The following BMS1 variants were observed in gnomAD, a reference collection of about 807,000 sequenced individuals.
BMS1 encodes ribosome biogenesis protein BMS1 homolog.
BMS1 carries 53 observed loss-of-function variants against 138.7 expected under a neutral mutation model. That is an observed-to-expected ratio of 0.38 (90% CI 0.31 to 0.48). BMS1 has a LOEUF of 0.48. Ranked by LOEUF, BMS1 falls within the 20% of genes least tolerant of loss-of-function variation. The probability of loss-of-function intolerance (pLI) is 0.97; values close to 1 mark genes in which losing one functional copy is unlikely to be tolerated. For missense variants in BMS1, 1,360 were observed against 1,565.5 expected (o/e 0.87, Z 2.22); for synonymous variants, 504 against 539.9 (o/e 0.93, Z 0.92).
At chr10:42,824,902 A>G (rs926711348) in intron 21 of BMS1, among the ~76,000 whole-genome samples, 1 of 152,214 alleles carries the variant, frequency 6.6e-6, no homozygotes, top group Non-Finnish European at 1.5e-5. Context: ...TTTGTAATAC[A>G]ATTTTAAATC....
rs759093057 is a variant in BMS1, at chr10:42,830,360, G to A, written c.3556G>A (p.Ala1186Thr). The A allele has an allele frequency of 1.9e-6, 3 of 1,613,942 alleles. No homozygotes were observed. Among genetic ancestry groups the A allele is most frequent in the Non-Finnish European group, 1.7e-6 (2 of 1,180,010 alleles). ...GAACAAGCCCAAGACCCAAGCAAAG[G>A]CAGGCAAGGTGCCAAAGGACAGGCG... ...FKNKPKTQAK[A>T]GKVPKDRRRP... The change falls in exon 22 of 23, where the codon GCA (alanine) becomes ACA (threonine). Residue 1186 changes from alanine to threonine, a missense_variant. Ala to Thr is a moderately conservative substitution (Grantham distance 58). Around this residue, in one of 3 missense-constraint regions of BMS1, gnomAD observed 425 missense variants for 568.3 expected, o/e 0.75. Coordinates refer to ENST00000374518, the MANE Select transcript of BMS1 (RefSeq NM_014753.4).
chr10:42,823,846 A>C, intron 21 of BMS1, 62 bp downstream of exon 21: 1 of 1,305,444 alleles, frequency 7.7e-7, no homozygotes, highest in East Asian at 2.7e-5. Context: ...GGAGTCACAC[A>C]GACACTTTTC....
intron 9 of BMS1, among the ~76,000 whole-genome samples, chr10:42,794,782 C>CT (rs1237555411): frequency 8.2e-5 from 12 of 146,624 alleles, no homozygotes; most frequent in Admixed American, 2.7e-4. Context: ...TTTTATTATA[C>CT]TTTAAGTTTT....
In BMS1 at chr10:42,829,317, A is replaced by C. The variant is rs1588764375; in HGVS notation, c.3457-944A>C. Reference sequence around the variant, plus strand: ...CAGAGCGAGACTCCATCTCAAAAAAAAAAGAATTTGGGTCATCTCAATTAA... The same window carrying C: ...CAGAGCGAGACTCCATCTCAAAAAACAAAGAATTTGGGTCATCTCAATTAA... On this transcript the variant is annotated intron_variant, in intron 21 of 22. Transcript: ENST00000374518. 5.9e-5 allele frequency among the ~76,000 whole-genome samples: 9 copies of C among 152,218 alleles called. No individual in the cohort carries two copies. In the South Asian group the frequency reaches 1.9e-3, roughly 32 times the overall value.
At position 42,830,918 on chromosome 10, in the gene BMS1, A is replaced by C. The variant is rs1187691832; in HGVS notation, c.3671A>C (p.Lys1224Thr). 28 of 1,612,308 alleles carry C rather than the reference A, an allele frequency of 1.7e-5. No homozygotes were observed. The East Asian group carries it at 6.2e-4, about 36-fold the overall frequency. ...ACGGTGCATAGTCAGAAGATGAAGA[A>C]GGCCAAGGAGCAGCGGCACCTGCAC... Reference protein sequence around the residue: ...LSTVHSQKMKKAKEQRHLHNK... With the variant: ...LSTVHSQKMKTAKEQRHLHNK... The change falls in exon 23 of 23, where the codon AAG (lysine) becomes ACG (threonine). Residue 1224 changes from lysine to threonine, a missense_variant. This residue lies in a region of BMS1 where 425 missense variants were observed against 568.3 expected (regional missense o/e 0.75). Coordinates refer to ENST00000374518, the MANE Select transcript of BMS1 (RefSeq NM_014753.4).
At chr10:42,797,862 A>G (rs1841738556) in intron 11 of BMS1, among the ~76,000 whole-genome samples, 1 of 152,236 alleles carries the variant, frequency 6.6e-6, no homozygotes, top group Admixed American at 6.5e-5. Context: ...TCTGAGAATG[A>G]GAACCCTGTA....
In BMS1 at chr10:42,822,051, G is replaced by C. The variant is rs111556852; in HGVS notation, c.3010-11G>C. On this transcript the variant is annotated splice_polypyrimidine_tract_variant and intron_variant, in intron 18 of 22. Coordinates refer to ENST00000374518, the MANE Select transcript of BMS1 (RefSeq NM_014753.4). ...ATTATTCCTATTTTCAAATTTTGGG[G>C]TTCCTGTTAGCCTGATTTTCGGATA... 157 of 1,592,438 alleles carry C rather than the reference G, an allele frequency of 9.9e-5. No homozygotes were observed. The highest frequency in any genetic ancestry group is 9.8e-4 in the South Asian group (89 of 90,864).
At chr10:42,799,275 A>G (rs1019342226) in intron 12 of BMS1, among the ~76,000 whole-genome samples, 3 of 152,078 alleles carry the variant, frequency 2.0e-5, no homozygotes, top group African/African-American at 7.2e-5. Flanking sequence ...AGGCCTGGCT[A>G]ATTTTTGCAT....
At position 42,823,635 on chromosome 10, in the gene BMS1, C is replaced by T. The variant is rs200142753; in HGVS notation, c.3307C>T (p.Pro1103Ser). ...TATTGTCTTCATGCGAACTTGGTAT[C>T]CTGTTTCCATCCCAGCGTTCTATAA... ...SDIVFMRTWY[P>S]VSIPAFYNPV... Residue 1103 changes from proline to serine, a missense_variant, in exon 21 of 23, where the codon CCT becomes TCT. By Grantham distance (74) the Pro-to-Ser change is moderately conservative. This residue lies in a region of BMS1 where 425 missense variants were observed against 568.3 expected (regional missense o/e 0.75). Coordinates refer to ENST00000374518, the MANE Select transcript of BMS1 (RefSeq NM_014753.4). The T allele has an allele frequency of 2.0e-5, 31 of 1,579,678 alleles. No individual in the cohort carries two copies. The highest frequency in any genetic ancestry group is 2.6e-6 in the Non-Finnish European group (3 of 1,173,392).
intron 13 of BMS1, among the ~76,000 whole-genome samples, chr10:42,804,755 TTGC>T (rs1317949891): frequency 6.6e-6 from 1 of 152,004 alleles, no homozygotes; most frequent in Non-Finnish European, 1.5e-5. Context: ...GGATGGAGTC[TTGC>T]TCTGTCTCCC....
chr10:42,810,282 C>T (rs1842134267), intron 13 of BMS1, among the ~76,000 whole-genome samples: 1 of 152,162 alleles, frequency 6.6e-6, no homozygotes, highest in African/African-American at 2.4e-5. Context: ...GCATATCCCA[C>T]ATACATGCAT....
chr10:42,791,699 C>T lies in BMS1; in HGVS notation c.709C>T (p.Arg237Cys), dbSNP rs370353589. Residue 237 changes from arginine (R) to cysteine (C), a missense_variant, in exon 6 of 23, where the codon CGT becomes TGT. Around this residue, in one of 3 missense-constraint regions of BMS1, gnomAD observed 238 missense variants for 311.1 expected, o/e 0.77. Coordinates refer to ENST00000374518, the MANE Select transcript of BMS1 (RefSeq NM_014753.4). ...YQNQEIHNLG[R>C]FITVMKFRPL... ...AAACCAAGAAATCCACAATCTGGGC[C>T]GTTTTATTACAGTTATGAAGTTTAG... is the stretch of plus-strand genomic sequence containing the variant. 1.9e-5 allele frequency: 31 copies of T among 1,613,488 alleles called. No homozygotes were observed. Among genetic ancestry groups the T allele is most frequent in the Middle Eastern group, 1.6e-4 (1 of 6,078 alleles).
rs1842818332 is a variant in BMS1, at chr10:42,832,497, A to G, written c.*1401A>G. ...TGTGTGTCATCTGTGCATGGGGCCC[A>G]TGCTGACCTCTGTGTTGTGCCAGTT... On this transcript the variant is annotated 3_prime_UTR_variant, in exon 23 of 23. Transcript: ENST00000374518. 1 of 152,154 alleles carries G rather than the reference A, an allele frequency of 6.6e-6. No homozygotes were observed. Among genetic ancestry groups the G allele is most frequent in the Non-Finnish European group, 1.5e-5 (1 of 68,046 alleles). The allele number at this position is 152,154 out of a possible 1,614,324, so 9.4% of individuals were successfully genotyped here. A position where few individuals can be genotyped will look rare whatever the true frequency, so the allele number is the denominator to read the frequency against.
chr10:42,796,484 C>T lies in BMS1; in HGVS notation c.1240C>T (p.Pro414Ser), dbSNP rs1399531036. Residue 414 changes from proline to serine, a missense_variant, in exon 10 of 23, where the codon CCA becomes TCA. Coordinates refer to ENST00000374518, the MANE Select transcript of BMS1 (RefSeq NM_014753.4). Reference sequence around the variant, plus strand: ...TCCTTGGTAATACAGGCTAATGATGCCAAAGGAGGAAAAACAAATGGACTT... The same window carrying T: ...TCCTTGGTAATACAGGCTAATGATGTCAAAGGAGGAAAAACAAATGGACTT... Reference protein sequence around the residue: ...EDIDNQGLMMPKEEKQMDLNT... With the variant: ...EDIDNQGLMMSKEEKQMDLNT... The T allele has an allele frequency of 6.2e-7, 1 of 1,611,822 alleles. No homozygotes were observed. The highest frequency in any genetic ancestry group is 8.5e-7 in the Non-Finnish European group (1 of 1,178,276).
chr10:42,784,964 T>C (rs1841280153), intron 2 of BMS1, among the ~76,000 whole-genome samples: 1 of 152,210 alleles, frequency 6.6e-6, no homozygotes, highest in African/African-American at 2.4e-5. Context: ...GCAGTGTACT[T>C]TAAACATTAT....
chr10:42,816,011 G>A (rs994850584), intron 13 of BMS1, among the ~76,000 whole-genome samples: 1 of 152,300 alleles, frequency 6.6e-6, no homozygotes, highest in African/African-American at 2.4e-5. Context: ...TTCATAAAGA[G>A]TGTCCATTGG....
At chr10:42,811,759 C>G (rs541805535) in intron 13 of BMS1, among the ~76,000 whole-genome samples, 56 of 150,262 alleles carry the variant, frequency 3.7e-4, no homozygotes, top group African/African-American at 1.3e-3. Flanking sequence ...CTCCTGACCT[C>G]GTGATCCGCC....
chr10:42,821,378 G>A (rs1842499474), intron 18 of BMS1, among the ~76,000 whole-genome samples: 3 of 152,006 alleles, frequency 2.0e-5, no homozygotes, highest in Admixed American at 6.6e-5. Flanking sequence ...CCATTTAACA[G>A]AGAAGAAAGC....
At chr10:42,792,852 A>G in intron 7 of BMS1, 105 bp from the exon 8 acceptor site, 1 of 1,376,162 alleles carries the variant, frequency 7.3e-7, no homozygotes, top group African/African-American at 1.5e-5. Flanking sequence ...CTTTAGTGTT[A>G]TGGGTTAAGC....
Sources: gnomAD v4.1 joint callset for allele counts (sites outside exome capture counted in the v4.1 genomes callset) on GRCh38, gnomAD v4.1.1 for gene constraint, gnomAD v4.1.1 regional missense constraint, MANE v1.5 for transcripts, NCBI Gene and HGNC (gene_info 2026-07-23, HGNC 2026-07-21) for gene names.